NREP: variants seen among roughly 807,000 people sequenced by gnomAD.
NREP encodes the protein neuronal regeneration related protein.
NREP carries 5 observed loss-of-function variants against 8.6 expected under a neutral mutation model. The observed-to-expected ratio is 0.58, with a 90% CI of 0.30 to 1.22. The LOEUF (loss-of-function observed/expected upper bound fraction) is 1.22, where lower values mean the gene tolerates loss of function less well. Among genes scored for constraint, NREP ranks in the 50% most tolerant of loss-of-function variants. The probability of loss-of-function intolerance (pLI) is 0.07; values close to 1 mark genes in which losing one functional copy is unlikely to be tolerated. For synonymous variants in NREP, 27 were observed against 28.0 expected, an observed-to-expected ratio of 0.96 and a Z score of 0.11; for missense variants, 86 against 82.5, an observed-to-expected ratio of 1.04 and a Z score of -0.17.
intron 1 of NREP, among the ~76,000 whole-genome samples, chr5:111,976,423 T>G (rs1196909628): frequency 6.6e-6 from 1 of 152,208 alleles, no homozygotes; most frequent in African/African-American, 2.4e-5. Flanking sequence ...CCCCAAAAGC[T>G]GAGGCTCAGC....
chr5:111,768,983 T>C (rs1751152774), intron 2 of NREP, among the ~76,000 whole-genome samples: 1 of 152,264 alleles, frequency 6.6e-6, no homozygotes, highest in South Asian at 2.1e-4. Context: ...CCATCAACAG[T>C]GTAAAAGCAT....
intron 2 of NREP, among the ~76,000 whole-genome samples, chr5:111,917,618 T>A (rs1029231097): frequency 2.0e-5 from 3 of 152,164 alleles, no homozygotes; most frequent in African/African-American, 7.2e-5. Context: ...CACCTGATTA[T>A]CTCCATAGAT....
chr5:111,802,868 T>G (rs41408646), intron 2 of NREP, among the ~76,000 whole-genome samples: 11 of 152,254 alleles, frequency 7.2e-5, no homozygotes, highest in Non-Finnish European at 1.3e-4. Flanking sequence ...CTTAGATGAC[T>G]GAGCAAAACT....
Position 111,843,067 on chromosome 5 carries a change from G to A in NREP, c.136-107560C>T, listed in dbSNP as rs186177457. Among the ~76,000 whole-genome samples, 10 of 152,238 alleles carry A rather than the reference G, an allele frequency of 6.6e-5. No homozygotes were observed. In the East Asian group the frequency reaches 1.9e-3, roughly 29 times the overall value. On this transcript the variant is annotated intron_variant, in intron 2 of 3. Coordinates refer to the NREP transcript ENST00000395634. ...CTATTTTTGATTATTTGGGATCCAT[G>A]AACCTAGATGTTCATTTCCCACTGC...
chr5:111,921,491 C>G (rs1220613074), intron 2 of NREP, among the ~76,000 whole-genome samples: 1 of 152,164 alleles, frequency 6.6e-6, no homozygotes, highest in Non-Finnish European at 1.5e-5. Flanking sequence ...TCCTCTCAAA[C>G]AAGGTGTAGG....
intron 2 of NREP, among the ~76,000 whole-genome samples, chr5:111,804,649 C>T (rs1752093682): frequency 6.6e-6 from 1 of 151,932 alleles, no homozygotes; most frequent in South Asian, 2.1e-4. Flanking sequence ...GAAAGCGCTG[C>T]TATCCCTAAT....
chr5:111,841,458 T>C (rs1753027930), intron 2 of NREP, among the ~76,000 whole-genome samples: 3 of 152,150 alleles, frequency 2.0e-5, no homozygotes, highest in South Asian at 4.1e-4. Context: ...CTGGTCTCTA[T>C]AGCAGTAGCT....
intron 2 of NREP, among the ~76,000 whole-genome samples, chr5:111,963,125 G>C (rs1368062029): frequency 6.6e-6 from 1 of 152,258 alleles, no homozygotes; most frequent in Non-Finnish European, 1.5e-5. Flanking sequence ...ACAGACAGCA[G>C]AGCTAAGAGA....
chr5:111,856,872 G>A (rs913349326), intron 2 of NREP, among the ~76,000 whole-genome samples: 2 of 152,070 alleles, frequency 1.3e-5, no homozygotes, highest in Non-Finnish European at 2.9e-5. Flanking sequence ...TTGGTTGGCG[G>A]CTGGTTGAGT....
At chr5:111,931,881 G>A (rs1179966893) in intron 2 of NREP, among the ~76,000 whole-genome samples, 2 of 151,934 alleles carry the variant, frequency 1.3e-5, no homozygotes, top group African/African-American at 4.8e-5. Flanking sequence ...TTCCGAAAAA[G>A]GAGACAACAG....
chr5:111,885,166 T>C (rs1332343259), intron 2 of NREP, among the ~76,000 whole-genome samples: 1 of 151,756 alleles, frequency 6.6e-6, no homozygotes, highest in Non-Finnish European at 1.5e-5. Flanking sequence ...TCACAAGCAT[T>C]CTTATACACC....
intron 2 of NREP, among the ~76,000 whole-genome samples, chr5:111,832,155 TG>T (rs901239841): frequency 1.3e-5 from 2 of 152,074 alleles, no homozygotes; most frequent in Non-Finnish European, 2.9e-5. Flanking sequence ...CCCTGGCCTC[TG>T]GGGAAGGAAA....
At chr5:111,918,539 G>A (rs79901943) in intron 2 of NREP, among the ~76,000 whole-genome samples, 9,712 of 151,962 alleles carry the variant, frequency 0.064, 715 homozygotes, top group East Asian at 0.23. Context: ...CACAACAGAG[G>A]CCTCAGAAAT....
chr5:111,782,654 C>G (rs1438557962), intron 2 of NREP, among the ~76,000 whole-genome samples: 1 of 151,848 alleles, frequency 6.6e-6, no homozygotes, highest in Non-Finnish European at 1.5e-5. Context: ...CAGAGAAAAA[C>G]CAGAAATTTC....
At chr5:111,815,873 A>T (rs941178216) in intron 2 of NREP, among the ~76,000 whole-genome samples, 8 of 152,284 alleles carry the variant, frequency 5.3e-5, no homozygotes, top group Non-Finnish European at 1.5e-5. Context: ...GATCCAAGAC[A>T]CCACACGTAA....
At chr5:111,942,398 C>T (rs1755854053) in intron 2 of NREP, among the ~76,000 whole-genome samples, 1 of 151,946 alleles carries the variant, frequency 6.6e-6, no homozygotes, top group South Asian at 2.1e-4. Flanking sequence ...TTCCCTGGTG[C>T]GGCTTAAAAA....
At chr5:111,740,236 T>A (rs1749531871) in intron 2 of NREP, among the ~76,000 whole-genome samples, 1 of 152,176 alleles carries the variant, frequency 6.6e-6, no homozygotes, top group African/African-American at 2.4e-5. Context: ...ATACTAATCA[T>A]GACTTGTATT....
At chr5:111,785,805 G>T (rs1581116463) in intron 2 of NREP, among the ~76,000 whole-genome samples, 2 of 152,086 alleles carry the variant, frequency 1.3e-5, no homozygotes, top group Non-Finnish European at 2.9e-5. Context: ...GAAAGGATGA[G>T]AAAGGCAACA....
At chr5:111,959,699 A>T (rs1191681811) in intron 2 of NREP, among the ~76,000 whole-genome samples, 1 of 152,028 alleles carries the variant, frequency 6.6e-6, no homozygotes, top group African/African-American at 2.4e-5. Context: ...TTTGTATATA[A>T]AGACATTGAA....
Sources: allele counts gnomAD v4.1 joint callset (sites outside exome capture counted in the v4.1 genomes callset), GRCh38; gene constraint gnomAD v4.1.1; transcripts MANE v1.5; gene names NCBI Gene and HGNC (gene_info 2026-07-23, HGNC 2026-07-21).